SLC22A23: variants seen among roughly 807,000 people sequenced by gnomAD.
SLC22A23 encodes the protein solute carrier family 22 member 23, also known as ion transporter protein.
In SLC22A23, 26 loss-of-function variants were observed where a neutral mutation model predicts 61.0. The observed-to-expected ratio is 0.43, with a 90% confidence interval of 0.31 to 0.59. SLC22A23 has a LOEUF of 0.59. Among genes scored for constraint, SLC22A23 ranks in the 20% least tolerant of loss-of-function variants. The probability of loss-of-function intolerance (pLI) is 0.11; values close to 1 mark genes in which losing one functional copy is unlikely to be tolerated. For synonymous variants in SLC22A23, 430 were observed against 413.9 expected (o/e 1.04, Z -0.47); for missense variants, 796 against 934.7 (o/e 0.85, Z 1.94).
Position 3,309,792 on chromosome 6 carries a change from C to T in SLC22A23, c.1083-11574G>A, listed in dbSNP as rs939148600. Among the ~76,000 whole-genome samples the T allele has an allele frequency of 3.9e-5, 6 of 152,204 alleles. No individual in the cohort carries two copies. The highest frequency in any genetic ancestry group is 7.2e-5 in the African/African-American group (3 of 41,444). ...ACCAGGGACAGGCAACATTACAAAA[C>T]GGAACTACAGTCAGAAGGGCATCTC... On this transcript the variant is annotated intron_variant, in intron 4 of 9. Transcript: ENST00000406686. This position sits in a 1 kb window ranked among gnomAD's most constrained non-coding sequence, Gnocchi z 4.7.
intron 1 of SLC22A23, among the ~76,000 whole-genome samples, chr6:3,426,142 T>C (rs997759070): frequency 1.3e-5 from 2 of 152,236 alleles, no homozygotes; most frequent in Non-Finnish European, 2.9e-5. Context: ...ACAGTATCTT[T>C]TTTAAATAGA....
At chr6:3,411,857 A>C (rs981559574) in intron 2 of SLC22A23, among the ~76,000 whole-genome samples, 3 of 152,238 alleles carry the variant, frequency 2.0e-5, no homozygotes, top group Admixed American at 6.5e-5. Flanking sequence ...CAGTGCTGGG[A>C]TCAGGAAGCC....
At chr6:3,448,824 C>G (rs76706521) in intron 1 of SLC22A23, among the ~76,000 whole-genome samples, 1 of 152,188 alleles carries the variant, frequency 6.6e-6, no homozygotes, top group Non-Finnish European at 1.5e-5. Context: ...CACCAACTTT[C>G]GACTCAATCC....
intron 1 of SLC22A23, among the ~76,000 whole-genome samples, chr6:3,450,406 A>G (rs937007719): frequency 6.6e-6 from 1 of 152,146 alleles, no homozygotes; most frequent in African/African-American, 2.4e-5. Context: ...TCCCAGGTTC[A>G]AGCGATTCTC....
chr6:3,442,802 C>T (rs1217553388), intron 1 of SLC22A23, among the ~76,000 whole-genome samples: 1 of 149,780 alleles, frequency 6.7e-6, no homozygotes, highest in Admixed American at 6.6e-5. Flanking sequence ...ATTGACCCTC[C>T]TCCCCACTTT....
chr6:3,420,825 C>T (rs1357670861), intron 1 of SLC22A23, among the ~76,000 whole-genome samples: 5 of 152,172 alleles, frequency 3.3e-5, no homozygotes, highest in Non-Finnish European at 7.3e-5. Context: ...ATGAAGACGG[C>T]CAGGTGCAGT....
intron 1 of SLC22A23, among the ~76,000 whole-genome samples, chr6:3,435,636 C>T (rs1337816098): frequency 2.0e-5 from 3 of 152,204 alleles, no homozygotes; most frequent in African/African-American, 7.2e-5. Context: ...TGAGAACACA[C>T]TCAGCCCATG....
Position 3,269,733 on chromosome 6 carries a change from A to AG in SLC22A23, c.*3321dup, listed in dbSNP as rs1385928521. On this transcript the variant is annotated 3_prime_UTR_variant, in exon 10 of 10. Transcript: ENST00000406686. ...CCAAAACACACGGGACATGAAAGCG[A>AG]GGTGGTGCCTTCTAGACGAGAGGAC... The AG allele has an allele frequency of 6.5e-6, 1 of 152,844 alleles. No individual in the cohort carries two copies. The highest frequency in any genetic ancestry group is 2.4e-5 in the African/African-American group (1 of 41,472). 9.5% of individuals were successfully genotyped at this position (152,844 alleles called of 1,614,324 possible).
At chr6:3,275,418 TACAC>T (rs1758801030) in intron 9 of SLC22A23, among the ~76,000 whole-genome samples, 1 of 152,186 alleles carries the variant, frequency 6.6e-6, no homozygotes, top group Non-Finnish European at 1.5e-5. Flanking sequence ...AAAGATTTCT[TACAC>T]ATAACATCAA....
intron 3 of SLC22A23, among the ~76,000 whole-genome samples, chr6:3,369,915 T>C (rs1766098726): frequency 6.6e-6 from 1 of 152,238 alleles, no homozygotes. Flanking sequence ...CATTTAGGTA[T>C]ATCTCCACAT....
At position 3,269,393 on chromosome 6, in the gene SLC22A23, A is replaced by G. The variant is rs1247416277; in HGVS notation, c.*3662T>C. On this transcript the variant is annotated 3_prime_UTR_variant, in exon 10 of 10. Coordinates refer to ENST00000406686, the MANE Select transcript of SLC22A23 (RefSeq NM_015482.2). The stretch of plus-strand genomic sequence containing the variant: ...ACGGAGGATTTTATTACTCACCATT[A>G]ATGGTAGTGAAATGCCCTTCGGTGG... 6.6e-6 allele frequency: 1 copy of G among 152,482 alleles called. No homozygotes were observed. Among genetic ancestry groups the G allele is most frequent in the Non-Finnish European group, 1.5e-5 (1 of 68,042 alleles). 9.4% of individuals were successfully genotyped at this position (152,482 alleles called of 1,614,324 possible).
chr6:3,323,305 GC>G (rs1561897748), intron 4 of SLC22A23: 1 of 456,538 alleles, frequency 2.2e-6, no homozygotes, highest in East Asian at 6.9e-5. Context: ...CCAGAAAGCA[GC>G]CACAGGTAAT....
intron 1 of SLC22A23, among the ~76,000 whole-genome samples, chr6:3,428,177 G>C (rs1219720843): frequency 6.6e-6 from 1 of 152,226 alleles, no homozygotes; most frequent in Non-Finnish European, 1.5e-5. Flanking sequence ...CAGAGAAAGG[G>C]AGCAGAGACC....
chr6:3,420,117 C>T (rs564462929), intron 1 of SLC22A23, among the ~76,000 whole-genome samples: 2 of 151,214 alleles, frequency 1.3e-5, no homozygotes, highest in South Asian at 2.1e-4. Context: ...AGACCAGGGA[C>T]ATTCATGATG....
At chr6:3,352,545 C>A (rs1419420109) in intron 3 of SLC22A23, among the ~76,000 whole-genome samples, 1 of 152,158 alleles carries the variant, frequency 6.6e-6, no homozygotes, top group Non-Finnish European at 1.5e-5. Context: ...TGAGCACACA[C>A]CAAGCCCCGG....
At chr6:3,315,460 G>A (rs1762583361) in intron 4 of SLC22A23, among the ~76,000 whole-genome samples, 1 of 152,212 alleles carries the variant, frequency 6.6e-6, no homozygotes, top group Non-Finnish European at 1.5e-5. Flanking sequence ...AGATGGTCAA[G>A]CTATCTGTTC....
At chr6:3,380,438 T>A (rs1309849321) in intron 3 of SLC22A23, among the ~76,000 whole-genome samples, 1 of 152,196 alleles carries the variant, frequency 6.6e-6, no homozygotes, top group African/African-American at 2.4e-5. Context: ...TACATCTGAG[T>A]GGCCCAACAA....
intron 3 of SLC22A23, among the ~76,000 whole-genome samples, chr6:3,359,238 T>C (rs1765292916): frequency 6.6e-6 from 1 of 151,804 alleles, no homozygotes; most frequent in African/African-American, 2.4e-5. Context: ...AGTACTAGAA[T>C]GAGCATCTCA....
intron 3 of SLC22A23, among the ~76,000 whole-genome samples, chr6:3,336,672 C>T (rs1763875076): frequency 6.6e-6 from 1 of 152,230 alleles, no homozygotes; most frequent in Non-Finnish European, 1.5e-5. Context: ...TTACCAGAGG[C>T]TCAACACGCC....
Sources: allele counts gnomAD v4.1 joint callset (sites outside exome capture counted in the v4.1 genomes callset), GRCh38; gene constraint gnomAD v4.1.1; non-coding constraint Gnocchi (gnomAD v3.1); transcripts MANE v1.5; gene names NCBI Gene and HGNC (gene_info 2026-07-23, HGNC 2026-07-21).